ZNF23: variants seen among roughly 807,000 people sequenced by gnomAD.
ZNF23 encodes zinc finger protein 23.
ZNF23 carries 48 observed loss-of-function variants against 56.2 expected under a neutral mutation model. The observed-to-expected ratio is 0.85, with a 90% CI of 0.68 to 1.09. The LOEUF (loss-of-function observed/expected upper bound fraction) is 1.09, where lower values mean the gene tolerates loss of function less well. Among genes scored for constraint, ZNF23 ranks in the 50% least tolerant of loss-of-function variants. The pLI, the probability that ZNF23 is intolerant of heterozygous loss-of-function variation, is 0.00. For missense variants in ZNF23, 805 were observed against 811.4 expected (o/e 0.99, Z 0.10); for synonymous variants, 266 against 283.3 (o/e 0.94, Z 0.61).
intron 2 of ZNF23, among the ~76,000 whole-genome samples, chr16:71,454,569 C>T (rs2043160014): frequency 6.6e-6 from 1 of 152,114 alleles, no homozygotes; most frequent in African/African-American, 2.4e-5. Flanking sequence ...CCACCCATCG[C>T]CCTCATCCTC....
Position 71,448,496 on chromosome 16 carries a change from C to G in ZNF23, c.1658G>C (p.Gly553Ala), listed in dbSNP as rs1207934819. 1.2e-6 allele frequency: 2 copies of G among 1,614,052 alleles called. No individual in the cohort carries two copies. The highest frequency in any genetic ancestry group is 2.7e-5 in the African/African-American group (2 of 74,934). Residue 553 changes from glycine (G) to alanine (A), a missense_variant, in exon 5 of 5, where the codon GGG (glycine) becomes GCG (alanine). Gly to Ala is a moderately conservative substitution (Grantham distance 60). Coordinates refer to ENST00000647773, the MANE Select transcript of ZNF23 (RefSeq NM_001381984.1). Reference sequence around the variant, plus strand: ...TTTGGCATTGATACTGAAGGCTTTCCCACATTCCTTACATTGATAGGGCTT... The same window carrying G: ...TTTGGCATTGATACTGAAGGCTTTCGCACATTCCTTACATTGATAGGGCTT... Reference protein sequence around the residue: ...GEKPYQCKECGKAFSINAKLT... With the variant: ...GEKPYQCKECAKAFSINAKLT...
chr16:71,457,480 G>A (rs1031197648), intron 1 of ZNF23, among the ~76,000 whole-genome samples: 5 of 152,104 alleles, frequency 3.3e-5, no homozygotes, highest in African/African-American at 9.7e-5. Flanking sequence ...GGAGAATGGT[G>A]TGAACCCGGG....
chr16:71,457,546 G>C (rs1179520448), intron 1 of ZNF23, among the ~76,000 whole-genome samples: 3 of 151,236 alleles, frequency 2.0e-5, no homozygotes, highest in Non-Finnish European at 4.4e-5. Flanking sequence ...CTGGGCAACA[G>C]AGCAAGACTC....
chr16:71,450,815 A>G (rs1316801576), intron 4 of ZNF23: 1 of 309,978 alleles, frequency 3.2e-6, no homozygotes, highest in Non-Finnish European at 6.5e-6. Context: ...TACACCCTGC[A>G]GTTTCTTCTT....
Position 71,448,692 on chromosome 16 carries a change from C to T in ZNF23, c.1462G>A (p.Glu488Lys), listed in dbSNP as rs771073355. 3 of 1,614,118 alleles carry T rather than the reference C, an allele frequency of 1.9e-6. No individual in the cohort carries two copies. The African/African-American group carries it at 4.0e-5, about 22-fold the overall frequency. ...FRQHLRIHTG[E>K]KPYECNECGK... Reference sequence around the variant, plus strand: ...CACTCATTACACTCATAGGGCTTCTCCCCAGTGTGAATTCTCAGATGCTGC... The same window carrying T: ...CACTCATTACACTCATAGGGCTTCTTCCCAGTGTGAATTCTCAGATGCTGC... The change falls in exon 5 of 5, where the codon GAG (glutamate) becomes AAG (lysine). Residue 488 changes from glutamate to lysine, a missense_variant. Transcript: ENST00000647773.
rs71389667 is a variant in ZNF23, at chr16:71,450,353, TA to T, written c.269-469del. ...TAATGAAAAGCAATGAAAGTAATGA[TA>T]AAAAAAAAATCACCATTCCCACTGT... is the stretch of plus-strand genomic sequence containing the variant. On this transcript the variant is annotated intron_variant, in intron 4 of 4. Coordinates refer to ENST00000647773, the MANE Select transcript of ZNF23 (RefSeq NM_001381984.1). 3.9e-4 allele frequency: 61 copies of T among 156,290 alleles called. 1 individual carries two copies. The highest frequency in any genetic ancestry group is 2.0e-3 in the South Asian group (11 of 5,554). 9.7% of individuals were successfully genotyped at this position (156,290 alleles called of 1,614,324 possible).
chr16:71,450,760 T>A, intron 4 of ZNF23: 1 of 419,382 alleles, frequency 2.4e-6, no homozygotes, highest in Non-Finnish European at 4.8e-6. Flanking sequence ...AAATTCTAGG[T>A]CTTGTCCACC....
chr16:71,449,453 G>T lies in ZNF23; in HGVS notation c.701C>A (p.Thr234Asn), dbSNP rs778764716. 5.6e-6 allele frequency: 9 copies of T among 1,614,188 alleles called. No individual in the cohort carries two copies. The highest frequency in any genetic ancestry group is 7.6e-6 in the Non-Finnish European group (9 of 1,180,038). The change falls in exon 5 of 5, where the codon ACT (threonine) becomes AAT (asparagine). Residue 234 changes from threonine to asparagine, a missense_variant. Coordinates refer to ENST00000647773, the MANE Select transcript of ZNF23 (RefSeq NM_001381984.1). ...CGAACACTGATAAGGCTTTTCCTCAGTGTTGTTCTCTTGATGTTGAATAAG... is the reference window on the plus strand; with the variant it reads ...CGAACACTGATAAGGCTTTTCCTCATTGTTGTTCTCTTGATGTTGAATAAG... The part of the protein sequence containing the change: ...SQLIQHQENN[T>N]EEKPYQCSEC...
intron 3 of ZNF23, 76 bp downstream of exon 3, chr16:71,453,966 C>G: frequency 6.6e-7 from 1 of 1,509,484 alleles, no homozygotes; most frequent in African/African-American, 1.4e-5. Flanking sequence ...GAGATCCCCT[C>G]AGTAACCTGT....
rs190121510 is a variant in ZNF23 at position 71,459,204 on chromosome 16, A to T, written c.-32-2376T>A. Among the ~76,000 whole-genome samples, 9 of 152,322 alleles carry T rather than the reference A, an allele frequency of 5.9e-5. No individual in the cohort carries two copies. The East Asian group carries it at 1.7e-3, about 29-fold the overall frequency. On this transcript the variant is annotated intron_variant, in intron 1 of 4. Transcript: ENST00000647773. The stretch of plus-strand genomic sequence containing the variant: ...GGTGTCCTATGTGGGACACCTGTGG[A>T]CACCTGCTGGGCCCTGAAGTGCAGA...
At chr16:71,450,343 AAAG>A (rs2043011517) in intron 4 of ZNF23, 1 of 147,450 alleles carries the variant, frequency 6.8e-6, no homozygotes, top group Non-Finnish European at 1.4e-5. Flanking sequence ...AAAAGCAATG[AAAG>A]TAATGATAAA....
At chr16:71,456,478 G>A (rs1179213965) in intron 2 of ZNF23, among the ~76,000 whole-genome samples, 1 of 152,016 alleles carries the variant, frequency 6.6e-6, no homozygotes, top group Non-Finnish European at 1.5e-5. Flanking sequence ...CGGTTTCCAC[G>A]TCCCCATTCA....
chr16:71,460,025 G>T (rs1032793013), intron 1 of ZNF23, among the ~76,000 whole-genome samples: 1 of 152,164 alleles, frequency 6.6e-6, no homozygotes, highest in African/African-American at 2.4e-5. Context: ...CTTGAAGACC[G>T]GGCAGTGAGT....
chr16:71,459,384 T>C (rs1240052742), intron 1 of ZNF23, among the ~76,000 whole-genome samples: 2 of 152,262 alleles, frequency 1.3e-5, no homozygotes, highest in Admixed American at 6.5e-5. Context: ...AGCATACCAA[T>C]GCATCCTTGT....
rs145042849 is a variant in ZNF23, at chr16:71,450,698, G to A, written c.269-813C>T. 3.5e-4 allele frequency: 148 copies of A among 417,960 alleles called. 1 individual carries two copies. Among genetic ancestry groups the A allele is most frequent in the African/African-American group, 2.5e-3 (115 of 45,506 alleles). 25.9% of individuals were successfully genotyped at this position (417,960 alleles called of 1,614,324 possible). A position where few individuals can be genotyped will look rare whatever the true frequency, so the allele number is the denominator to read the frequency against. On this transcript the variant is annotated intron_variant, in intron 4 of 4. Coordinates refer to ENST00000647773, the MANE Select transcript of ZNF23 (RefSeq NM_001381984.1). ...CTTGCCACTGCACTCCAGTTTGGGCGACAGAGCGAGACTCCATCTCAAAAA... is the reference window on the plus strand; with the variant it reads ...CTTGCCACTGCACTCCAGTTTGGGCAACAGAGCGAGACTCCATCTCAAAAA...
At chr16:71,460,715 CATT>C (rs1337291037) in intron 1 of ZNF23, among the ~76,000 whole-genome samples, 1 of 152,174 alleles carries the variant, frequency 6.6e-6, no homozygotes, top group Non-Finnish European at 1.5e-5. Context: ...ATATTTTTCA[CATT>C]AATAAATCAA....
intron 4 of ZNF23, chr16:71,450,758 G>C (rs528725619): frequency 2.4e-6 from 1 of 418,680 alleles, no homozygotes; most frequent in South Asian, 1.7e-5. Flanking sequence ...TAAAATTCTA[G>C]GTCTTGTCCA....
At chr16:71,461,075 G>T (rs1207650891) in intron 1 of ZNF23, among the ~76,000 whole-genome samples, 4 of 152,082 alleles carry the variant, frequency 2.6e-5, no homozygotes, top group Non-Finnish European at 5.9e-5. Context: ...TAAGTACATT[G>T]CTTACAGATA....
intron 1 of ZNF23, among the ~76,000 whole-genome samples, chr16:71,457,161 G>T (rs1446489288): frequency 6.6e-6 from 1 of 152,192 alleles, no homozygotes; most frequent in Non-Finnish European, 1.5e-5. Flanking sequence ...TGGGCACGGT[G>T]GCTCGTGCCT....
Sources: allele counts gnomAD v4.1 joint callset (sites outside exome capture counted in the v4.1 genomes callset), GRCh38; gene constraint gnomAD v4.1.1; transcripts MANE v1.5; gene names NCBI Gene and HGNC (gene_info 2026-07-23, HGNC 2026-07-21).